Variants in IYD observed in about 807,000 individuals in gnomAD.
IYD encodes the protein iodotyrosine deiodinase.
In IYD, 25 loss-of-function variants were observed where a neutral mutation model predicts 28.4. That is an observed-to-expected ratio of 0.88 (90% CI 0.64 to 1.23). The LOEUF is 1.23. Among genes scored for constraint, IYD ranks in the 50% most tolerant of loss-of-function variants. The pLI is 0.00. For missense variants in IYD, 352 were observed against 357.9 expected (o/e 0.98, Z 0.13); for synonymous variants, 140 against 130.8 (o/e 1.07, Z -0.48).
In IYD at chr6:150,394,275, G is replaced by T. The variant is rs757171595; in HGVS notation, c.687+20G>T. The T allele has an allele frequency of 5.0e-6, 8 of 1,613,730 alleles. No homozygotes were observed. Among genetic ancestry groups the T allele is most frequent in the Admixed American group, 1.7e-5 (1 of 60,008 alleles). ...CTGCAGGTATGTTGAGACATCAAGG[G>T]TTACAGGGTGGCCTTATTAGAACAT... On this transcript the variant is annotated intron_variant, in intron 4 of 4. Coordinates refer to ENST00000344419, the MANE Select transcript of IYD (RefSeq NM_203395.3).
chr6:150,397,569 C>CAAAA lies in IYD; in HGVS notation c.688-479_688-476dup, dbSNP rs67591922. Reference sequence around the variant, plus strand: ...TGGGTGATAGAGCCATACTTTGTCTCAAAAAAAAAACAAAAAACAAAACCG... The same window carrying CAAAA: ...TGGGTGATAGAGCCATACTTTGTCTCAAAAAAAAAAAAAACAAAAAACAAAACCG... On this transcript the variant is annotated intron_variant, in intron 4 of 4. Transcript: ENST00000344419. Among the ~76,000 whole-genome samples, 167 of 111,516 alleles carry CAAAA rather than the reference C, an allele frequency of 1.5e-3. 4 individuals are homozygous for CAAAA. The highest frequency in any genetic ancestry group is 1.8e-3 in the African/African-American group (44 of 24,960). The allele number at this position is 111,516 out of a possible 152,430, so 73.2% of individuals were successfully genotyped here.
intron 1 of IYD, among the ~76,000 whole-genome samples, chr6:150,385,838 T>G (rs1171768394): frequency 6.6e-6 from 1 of 151,986 alleles, no homozygotes; most frequent in African/African-American, 2.4e-5. Flanking sequence ...AGTTTTTCTA[T>G]TTTGAAGTTA....
intron 1 of IYD, among the ~76,000 whole-genome samples, chr6:150,379,806 C>CTGATCA (rs1289646425): frequency 6.6e-6 from 1 of 152,190 alleles, no homozygotes; most frequent in East Asian, 1.9e-4. Context: ...TATCCATTAT[C>CTGATCA]TGATCATTGG....
chr6:150,377,426 C>A (rs12211677), intron 1 of IYD, among the ~76,000 whole-genome samples: 17,875 of 152,168 alleles, frequency 0.12, 1,206 homozygotes, highest in Non-Finnish European at 0.14. Flanking sequence ...GTCTCATTCC[C>A]CAGCCATAGT....
intron 1 of IYD, among the ~76,000 whole-genome samples, chr6:150,378,016 G>A (rs1777511678): frequency 6.6e-6 from 1 of 152,114 alleles, no homozygotes; most frequent in South Asian, 2.1e-4. Flanking sequence ...ATAAAAGGAA[G>A]TTTCCTCACT....
chr6:150,392,925 A>C (rs1042693979), intron 3 of IYD, among the ~76,000 whole-genome samples: 8 of 152,102 alleles, frequency 5.3e-5, no homozygotes, highest in Non-Finnish European at 8.8e-5. Context: ...CAACTCCAGG[A>C]AAGAAGTGGA....
intron 1 of IYD, among the ~76,000 whole-genome samples, chr6:150,370,312 TGTGTGCACGAGTGG>T (rs952015135): frequency 4.0e-4 from 61 of 151,672 alleles, no homozygotes; most frequent in South Asian, 2.5e-3. Context: ...TGCATGAGTG[TGTGTGCACGAGTGG>T]GTGAGTGTGC....
rs1246228523 is a variant in IYD, at chr6:150,370,458, T to A, written c.178+1249T>A. ...GTGAGAGAGTGTGTGCATGAGTGTG[T>A]GTCCTAATCTCAGGACCGGGGCGCA... is the stretch of plus-strand genomic sequence containing the variant. On this transcript the variant is annotated intron_variant, in intron 1 of 4. Coordinates refer to ENST00000344419, the MANE Select transcript of IYD (RefSeq NM_203395.3). The A allele has an allele frequency of 3.1e-6, 3 of 982,546 alleles. No homozygotes were observed. The African/African-American group carries it at 5.2e-5, about 17-fold the overall frequency. 60.9% of individuals were successfully genotyped at this position (982,546 alleles called of 1,614,324 possible). A position where few individuals can be genotyped will look rare whatever the true frequency, so the allele number is the denominator to read the frequency against.
intron 4 of IYD, among the ~76,000 whole-genome samples, chr6:150,397,444 C>G (rs1373323948): frequency 2.6e-5 from 4 of 151,844 alleles, no homozygotes. Flanking sequence ...GTGGTGCATG[C>G]CTATAGTCTC....
rs569105783 is a variant in IYD at position 150,404,113 on chromosome 6, A to C, written c.*5876A>C. ...TGTCTTATGACCAGAGATCCTAAGC[A>C]ACCTCTGCTCATCTGAGTTGTCCAC... On this transcript the variant is annotated 3_prime_UTR_variant, in exon 5 of 5. Coordinates refer to ENST00000344419, the MANE Select transcript of IYD (RefSeq NM_203395.3). The C allele has an allele frequency of 4.6e-5, 7 of 152,326 alleles. No homozygotes were observed. Among genetic ancestry groups the C allele is most frequent in the Admixed American group, 2.6e-4 (4 of 15,312 alleles). 9.4% of individuals were successfully genotyped at this position (152,326 alleles called of 1,614,324 possible).
At chr6:150,376,515 C>T (rs1381341628) in intron 1 of IYD, among the ~76,000 whole-genome samples, 1 of 152,158 alleles carries the variant, frequency 6.6e-6, no homozygotes, top group African/African-American at 2.4e-5. Context: ...AGGGGTGGAA[C>T]TTCACTGTGA....
chr6:150,392,920 C>G (rs1035781652), intron 3 of IYD, among the ~76,000 whole-genome samples: 2 of 151,870 alleles, frequency 1.3e-5, no homozygotes, highest in African/African-American at 4.8e-5. Flanking sequence ...TTCCTCAACT[C>G]CAGGAAAGAA....
chr6:150,397,991 G>A, intron 4 of IYD, 64 bp from the exon 5 acceptor site: 2 of 1,494,686 alleles, frequency 1.3e-6, no homozygotes, highest in Non-Finnish European at 9.3e-7. Context: ...AGGTCCCCAG[G>A]TTAGAGGGAG....
intron 1 of IYD, among the ~76,000 whole-genome samples, chr6:150,381,899 C>T (rs1201589700): frequency 6.6e-6 from 1 of 152,122 alleles, no homozygotes; most frequent in Non-Finnish European, 1.5e-5. Context: ...AACATTTGGT[C>T]TATTTCTAGT....
chr6:150,385,343 GGT>G (rs1307426676), intron 1 of IYD, among the ~76,000 whole-genome samples: 1 of 152,040 alleles, frequency 6.6e-6, no homozygotes, highest in African/African-American at 2.4e-5. Flanking sequence ...AGCTGGATGT[GGT>G]GGGGTTTTTC....
At chr6:150,375,091 A>G (rs562786548) in intron 1 of IYD, among the ~76,000 whole-genome samples, 2 of 152,266 alleles carry the variant, frequency 1.3e-5, no homozygotes, top group East Asian at 3.9e-4. Flanking sequence ...GAAATAATCC[A>G]TCTATACAGC....
chr6:150,395,837 T>A, intron 4 of IYD: 5 of 598,540 alleles, frequency 8.4e-6, no homozygotes, highest in Non-Finnish European at 1.5e-5. Context: ...GTCTGGAAGC[T>A]ACTCATTGCT....
At chr6:150,379,646 C>T (rs1777576237) in intron 1 of IYD, among the ~76,000 whole-genome samples, 1 of 152,100 alleles carries the variant, frequency 6.6e-6, no homozygotes, top group African/African-American at 2.4e-5. Context: ...CAATCCTTTC[C>T]CTAAAATGTT....
rs945814210 is a variant in IYD at position 150,399,337 on chromosome 6, C to G, written c.*1100C>G. 6.6e-6 allele frequency: 1 copy of G among 152,180 alleles called. No homozygotes were observed. Among genetic ancestry groups the G allele is most frequent in the East Asian group, 1.9e-4 (1 of 5,188 alleles). 9.4% of individuals were successfully genotyped at this position (152,180 alleles called of 1,614,324 possible). ...GAGAGCTGCTTACCATACATAGCAC[C>G]CACAGTGTCTCCCTTCTCTTCTACC... On this transcript the variant is annotated 3_prime_UTR_variant, in exon 5 of 5. Coordinates refer to ENST00000344419, the MANE Select transcript of IYD (RefSeq NM_203395.3).
Sources: allele counts gnomAD v4.1 joint callset (sites outside exome capture counted in the v4.1 genomes callset), GRCh38; gene constraint gnomAD v4.1.1; transcripts MANE v1.5; gene names NCBI Gene and HGNC (gene_info 2026-07-23, HGNC 2026-07-21).